The following ANKS1A variants were observed in gnomAD, a reference collection of about 807,000 sequenced individuals.
ANKS1A encodes ankyrin repeat and sterile alpha motif domain containing 1A, also known as ankyrin repeat and SAM domain-containing protein 1A.
Under a neutral mutation model 120.3 loss-of-function variants are expected in ANKS1A, and 55 were observed. The observed-to-expected ratio is 0.46, with a 90% CI of 0.37 to 0.57. ANKS1A has a LOEUF of 0.57. Ranked by LOEUF, ANKS1A falls within the 20% of genes least tolerant of loss-of-function variation. ANKS1A has a pLI of 0.00. For missense variants in ANKS1A, 1,123 were observed against 1,480.3 expected, an observed-to-expected ratio of 0.76 and a Z score of 3.96; for synonymous variants, 590 against 604.7, an observed-to-expected ratio of 0.98 and a Z score of 0.36.
At chr6:34,992,841 G>A (rs1253712749) in intron 9 of ANKS1A, among the ~76,000 whole-genome samples, 2 of 152,180 alleles carry the variant, frequency 1.3e-5, no homozygotes, top group African/African-American at 4.8e-5. Flanking sequence ...AACAGGAGCT[G>A]CAGTTTCTTG....
At chr6:35,038,147 A>G (rs976337165) in intron 11 of ANKS1A, 10 of 455,898 alleles carry the variant, frequency 2.2e-5, no homozygotes, top group East Asian at 1.4e-4. Context: ...TCTAACTCCA[A>G]CCCGCACCCC....
intron 13 of ANKS1A, among the ~76,000 whole-genome samples, chr6:35,064,761 T>C (rs1320754015): frequency 1.3e-5 from 2 of 152,306 alleles, no homozygotes; most frequent in Non-Finnish European, 2.9e-5. Flanking sequence ...ATTATCAGAA[T>C]GGTCATGGCC....
intron 8 of ANKS1A, among the ~76,000 whole-genome samples, chr6:34,987,462 A>G (rs576958696): frequency 6.6e-6 from 1 of 151,994 alleles, no homozygotes; most frequent in African/African-American, 2.4e-5. Flanking sequence ...GGTGATGGAT[A>G]CAGGCCTGCT....
intron 6 of ANKS1A, 54 bp downstream of exon 6, chr6:34,983,268 G>A: frequency 1.2e-6 from 2 of 1,610,614 alleles, no homozygotes; most frequent in Non-Finnish European, 1.7e-6. Flanking sequence ...ATTGAACCAA[G>A]GCATTTGTAT....
At chr6:35,020,578 C>T (rs1231010589) in intron 11 of ANKS1A, among the ~76,000 whole-genome samples, 2 of 152,158 alleles carry the variant, frequency 1.3e-5, no homozygotes, top group Non-Finnish European at 2.9e-5. Flanking sequence ...TGAGCGTATC[C>T]CAAACCAGAG....
intron 8 of ANKS1A, among the ~76,000 whole-genome samples, chr6:34,986,508 T>C (rs1287372777): frequency 6.6e-6 from 1 of 152,212 alleles, no homozygotes; most frequent in Non-Finnish European, 1.5e-5. Context: ...GCCTGTGTTA[T>C]TTCTTCCTGT....
At chr6:35,083,600 C>T in intron 20 of ANKS1A, 97 bp downstream of exon 20, 2 of 1,146,738 alleles carry the variant, frequency 1.7e-6, no homozygotes, top group African/African-American at 1.5e-5. Context: ...CCTGTCTCAT[C>T]TCTTATCTCC....
At chr6:34,935,844 C>T (rs1170902916) in intron 1 of ANKS1A, among the ~76,000 whole-genome samples, 2 of 151,708 alleles carry the variant, frequency 1.3e-5, no homozygotes, top group South Asian at 2.1e-4. Context: ...GGGCGGATCA[C>T]GAGGTCAGGA....
chr6:34,925,425 C>T (rs1235049107), intron 1 of ANKS1A, among the ~76,000 whole-genome samples: 1 of 152,138 alleles, frequency 6.6e-6, no homozygotes, highest in African/African-American at 2.4e-5. Flanking sequence ...TGTCATTGGG[C>T]CTTGGGGCAA....
At position 35,085,616 on chromosome 6, in the gene ANKS1A, T is replaced by G. The variant is rs1777920057; in HGVS notation, c.3133-150T>G. 1.8e-5 allele frequency: 10 copies of G among 568,678 alleles called. No individual in the cohort carries two copies. The highest frequency in any genetic ancestry group is 1.2e-4 in the Admixed American group (2 of 17,012). 35.2% of individuals were successfully genotyped at this position (568,678 alleles called of 1,614,324 possible). Reference sequence around the variant, plus strand: ...AAGAACAACAGAGACCTAGGAAGAGTAAAGGAGGGAAAGGAGGGAAGAGTG... The same window carrying G: ...AAGAACAACAGAGACCTAGGAAGAGGAAAGGAGGGAAAGGAGGGAAGAGTG... On this transcript the variant is annotated intron_variant, in intron 21 of 23. Transcript: ENST00000360359. This position sits in a 1 kb window ranked among gnomAD's most constrained non-coding sequence, Gnocchi z 4.7.
chr6:35,041,714 T>C (rs1483366027), intron 11 of ANKS1A, among the ~76,000 whole-genome samples: 5 of 152,034 alleles, frequency 3.3e-5, no homozygotes, highest in African/African-American at 1.2e-4. Context: ...TTCTCAGGAG[T>C]CCTCACACTA....
chr6:35,072,839 C>T (rs1391889753), intron 13 of ANKS1A, among the ~76,000 whole-genome samples: 2 of 152,190 alleles, frequency 1.3e-5, no homozygotes, highest in African/African-American at 2.4e-5. Flanking sequence ...CAGCCCAGGA[C>T]GGGTGTCCTG....
intron 1 of ANKS1A, among the ~76,000 whole-genome samples, chr6:34,905,792 G>A (rs1320117814): frequency 6.6e-6 from 1 of 152,098 alleles, no homozygotes; most frequent in Admixed American, 6.6e-5. Flanking sequence ...CTACCTGAAC[G>A]AAATCCTTAA....
chr6:34,919,293 A>G (rs1316430153), intron 1 of ANKS1A, among the ~76,000 whole-genome samples: 2 of 152,234 alleles, frequency 1.3e-5, no homozygotes, highest in Non-Finnish European at 2.9e-5. Context: ...AAAATTAAAT[A>G]CTGACCTGGA....
At chr6:34,981,100 A>G (rs1771880962) in intron 3 of ANKS1A, among the ~76,000 whole-genome samples, 1 of 152,160 alleles carries the variant, frequency 6.6e-6, no homozygotes, top group Non-Finnish European at 1.5e-5. Flanking sequence ...TCTGTGACTG[A>G]GCCCGAGTGC....
intron 23 of ANKS1A, 147 bp from the exon 24 acceptor site, chr6:35,088,459 G>C (rs1260160546): frequency 5.0e-6 from 5 of 1,002,178 alleles, no homozygotes; most frequent in Non-Finnish European, 7.9e-6. Context: ...GCTGCAGGCT[G>C]TGGGTGCTCA....
chr6:34,945,003 C>T (rs1399074900), intron 1 of ANKS1A, among the ~76,000 whole-genome samples: 1 of 152,136 alleles, frequency 6.6e-6, no homozygotes, highest in Non-Finnish European at 1.5e-5. Context: ...TCAAGTTCAC[C>T]TAGGTTTTCT....
chr6:35,018,110 G>A (rs749199294), intron 11 of ANKS1A, 51 bp downstream of exon 11: 9 of 1,558,128 alleles, frequency 5.8e-6, no homozygotes, highest in South Asian at 1.2e-5. Flanking sequence ...GCTGGCCGCA[G>A]CCCACCACAG....
At chr6:35,004,133 A>G (rs1206133952) in intron 10 of ANKS1A, among the ~76,000 whole-genome samples, 1 of 114,226 alleles carries the variant, frequency 8.8e-6, no homozygotes, top group African/African-American at 2.7e-5. Flanking sequence ...GTCGATCACG[A>G]CCCTCTCACA....
Sources: gnomAD v4.1 joint callset for allele counts (sites outside exome capture counted in the v4.1 genomes callset) on GRCh38, gnomAD v4.1.1 for gene constraint, Gnocchi (gnomAD v3.1) non-coding constraint, MANE v1.5 for transcripts, NCBI Gene and HGNC (gene_info 2026-07-23, HGNC 2026-07-21) for gene names.